Variants in PTH2R observed in about 807,000 individuals in gnomAD.
PTH2R encodes PTH2 receptor.
PTH2R carries 59 observed loss-of-function variants against 60.3 expected under a neutral mutation model. The ratio of observed to expected loss-of-function variants is 0.98; its 90% CI spans 0.79 to 1.22. The LOEUF is 1.22. Ranked by LOEUF, PTH2R falls within the 50% of genes most tolerant of loss-of-function variation. The pLI is 0.00. For synonymous variants in PTH2R, 256 were observed against 243.8 expected (o/e 1.05, Z -0.47); for missense variants, 749 against 682.6 (o/e 1.10, Z -1.08).
chr2:208,416,835 C>T (rs1308896918), intron 1 of PTH2R, among the ~76,000 whole-genome samples: 1 of 152,194 alleles, frequency 6.6e-6, no homozygotes, highest in Non-Finnish European at 1.5e-5. Context: ...CTGGTTGCTT[C>T]CTGCCCTTGA....
chr2:208,464,224 G>T (rs1035905977), intron 9 of PTH2R, among the ~76,000 whole-genome samples: 1 of 152,074 alleles, frequency 6.6e-6, no homozygotes, highest in Non-Finnish European at 1.5e-5. Context: ...TAAAACACGA[G>T]GTGAGAAAAG....
chr2:208,465,006 C>T (rs1702714394), intron 9 of PTH2R, among the ~76,000 whole-genome samples: 1 of 152,170 alleles, frequency 6.6e-6, no homozygotes, highest in Non-Finnish European at 1.5e-5. Flanking sequence ...GACAGGATCT[C>T]ACTCTGTCAC....
At chr2:208,364,442 A>C (rs551518772) in intron 1 of PTH2R, among the ~76,000 whole-genome samples, 1 of 152,264 alleles carries the variant, frequency 6.6e-6, no homozygotes, top group Non-Finnish European at 1.5e-5. Flanking sequence ...ATTGTTTTGC[A>C]TGTAAATATC....
chr2:208,364,486 T>A (rs186990831), intron 1 of PTH2R, among the ~76,000 whole-genome samples: 13 of 152,334 alleles, frequency 8.5e-5, no homozygotes, highest in African/African-American at 3.1e-4. Flanking sequence ...GACCAGACTG[T>A]CCTTTTCCCA....
chr2:208,441,272 A>G (rs569126973), intron 4 of PTH2R, among the ~76,000 whole-genome samples: 1 of 152,332 alleles, frequency 6.6e-6, no homozygotes, highest in South Asian at 2.1e-4. Flanking sequence ...GAAGAGACAT[A>G]TAGGGCGAAG....
chr2:208,471,702 A>T (rs1022285665), intron 9 of PTH2R, among the ~76,000 whole-genome samples: 2 of 152,232 alleles, frequency 1.3e-5, no homozygotes, highest in African/African-American at 4.8e-5. Context: ...TGCCACACAG[A>T]GTCCCTAATG....
chr2:208,457,675 A>T (rs557921724), intron 8 of PTH2R, among the ~76,000 whole-genome samples: 1 of 152,348 alleles, frequency 6.6e-6, no homozygotes, highest in East Asian at 1.9e-4. Context: ...AAAAGGTGTT[A>T]TCTGTAAGGA....
In PTH2R at chr2:208,489,708, A is replaced by G. The variant is rs1369277018; in HGVS notation, c.1215+558A>G. Among the ~76,000 whole-genome samples, 5 of 152,304 alleles carry G rather than the reference A, an allele frequency of 3.3e-5. No homozygotes were observed. In the East Asian group the frequency reaches 9.7e-4, roughly 29 times the overall value. ...GTCATATACTTGCCAGAAATACTCA[A>G]AGATTTCCAGTTGCAGTCAAACTAA... is the stretch of plus-strand genomic sequence containing the variant. On this transcript the variant is annotated intron_variant, in intron 11 of 12. Coordinates refer to ENST00000272847, the MANE Select transcript of PTH2R (RefSeq NM_005048.4).
intron 9 of PTH2R, among the ~76,000 whole-genome samples, chr2:208,480,448 C>T (rs573148027): frequency 3.9e-5 from 6 of 152,278 alleles, no homozygotes; most frequent in African/African-American, 1.4e-4. Flanking sequence ...GGTCCTCAGA[C>T]AGAAAGGGGC....
At chr2:208,472,430 A>G (rs534812651) in intron 9 of PTH2R, among the ~76,000 whole-genome samples, 2 of 152,258 alleles carry the variant, frequency 1.3e-5, no homozygotes, top group Non-Finnish European at 2.9e-5. Flanking sequence ...TTGAATTCCC[A>G]CATGTTGTGG....
At chr2:208,408,766 A>AGAGAGAGAGAGAGAGAGAGAG (rs58836876) in intron 1 of PTH2R, among the ~76,000 whole-genome samples, 27 of 109,578 alleles carry the variant, frequency 2.5e-4, no homozygotes, top group African/African-American at 1.1e-3. Flanking sequence ...GAGAGAGAGA[A>AGAGAGAGAGAGAGAGAGAGAG]ATAAATAATA....
intron 1 of PTH2R, among the ~76,000 whole-genome samples, chr2:208,420,148 G>A (rs567972059): frequency 6.6e-6 from 1 of 151,880 alleles, no homozygotes; most frequent in Admixed American, 6.6e-5. Context: ...GGTGGGGGGA[G>A]TGGGGAGGGA....
chr2:208,422,155 A>G (rs1027152073), intron 1 of PTH2R, among the ~76,000 whole-genome samples: 1 of 152,184 alleles, frequency 6.6e-6, no homozygotes, highest in Non-Finnish European at 1.5e-5. Context: ...TGTTGCCAGG[A>G]AGGGAAAAAA....
chr2:208,468,000 G>A (rs747132447), intron 9 of PTH2R, among the ~76,000 whole-genome samples: 4 of 152,126 alleles, frequency 2.6e-5, no homozygotes, highest in East Asian at 1.9e-4. Context: ...GCCTCACACC[G>A]TCTCCTATGC....
chr2:208,420,290 A>T (rs1011111059), intron 1 of PTH2R, among the ~76,000 whole-genome samples: 10 of 149,240 alleles, frequency 6.7e-5, no homozygotes, highest in South Asian at 6.4e-4. Context: ...TATAATAATT[A>T]AAAAAAAAAG....
At chr2:208,395,839 G>A (rs1701198482) in intron 1 of PTH2R, among the ~76,000 whole-genome samples, 1 of 152,154 alleles carries the variant, frequency 6.6e-6, no homozygotes, top group South Asian at 2.1e-4. Flanking sequence ...CCAAAAAAGA[G>A]CCCATATAGG....
intron 1 of PTH2R, among the ~76,000 whole-genome samples, chr2:208,394,093 A>G (rs1183186458): frequency 1.3e-5 from 2 of 152,224 alleles, no homozygotes; most frequent in Non-Finnish European, 1.5e-5. Context: ...TTGAGGGGCA[A>G]AGAAAGCCTG....
Position 208,493,299 on chromosome 2 carries a change from G to T in PTH2R, c.1293G>T (p.Trp431Cys), listed in dbSNP as rs1416658066. The T allele has an allele frequency of 6.6e-7, 1 of 1,522,292 alleles. No homozygotes were observed. Among genetic ancestry groups the T allele is most frequent in the Non-Finnish European group, 8.8e-7 (1 of 1,132,584 alleles). The allele number at this position is 1,522,292 out of a possible 1,614,324, so 94.3% of individuals were successfully genotyped here. Residue 431 changes from tryptophan to cysteine, a missense_variant, in exon 13 of 13, where the codon TGG becomes TGT. Coordinates refer to ENST00000272847, the MANE Select transcript of PTH2R (RefSeq NM_005048.4). ...AGGTGAAGAAGATGTGGAGTCGGTGGAACCTCTCCGTGGACTGGAAAAGGA... is the reference window on the plus strand; with the variant it reads ...AGGTGAAGAAGATGTGGAGTCGGTGTAACCTCTCCGTGGACTGGAAAAGGA... ...QAEVKKMWSR[W>C]NLSVDWKRTP...
At chr2:208,407,397 G>T (rs144819736) in intron 1 of PTH2R, among the ~76,000 whole-genome samples, 141 of 152,330 alleles carry the variant, frequency 9.3e-4, no homozygotes, top group African/African-American at 3.4e-3. Flanking sequence ...CAGCGGAGTC[G>T]TGGATCAAGA....
Sources: allele counts gnomAD v4.1 joint callset (sites outside exome capture counted in the v4.1 genomes callset), GRCh38; gene constraint gnomAD v4.1.1; transcripts MANE v1.5; gene names NCBI Gene and HGNC (gene_info 2026-07-23, HGNC 2026-07-21).